Variants in DLC1 observed in about 807,000 individuals in gnomAD.
The protein encoded by DLC1 is rho GTPase-activating protein 7.
In DLC1, 54 loss-of-function variants were observed where a neutral mutation model predicts 140.3. That is an observed-to-expected ratio of 0.38 (90% confidence interval 0.31 to 0.48). The LOEUF is 0.48. Ranked by LOEUF, DLC1 falls within the 20% of genes least tolerant of loss-of-function variation. The probability of loss-of-function intolerance (pLI) is 0.96; values close to 1 mark genes in which losing one functional copy is unlikely to be tolerated. For missense variants in DLC1, 2,536 were observed against 1,907.0 expected (o/e 1.33, Z -6.14); for synonymous variants, 986 against 728.1 (o/e 1.35, Z -5.70).
chr8:13,538,543 T>G (rs60830385), intron 1 of DLC1, among the ~76,000 whole-genome samples: 2,202 of 152,158 alleles, frequency 0.014, 59 homozygotes, highest in African/African-American at 0.05. Flanking sequence ...GGCTTCAGAA[T>G]TTTTGTTGTG....
Position 13,098,447 on chromosome 8 carries a change from G to T in DLC1, c.3119C>A (p.Thr1040Lys). ...LLQKYSLLKL[T>K]ALLEKYTPSN... The stretch of plus-strand genomic sequence containing the variant: ...AGGTGTGTATTTCTCCAGCAGGGCC[G>T]TTAGCTTTAGGAGTGAGTATTTCTG... The change falls in exon 10 of 18, where the codon ACG becomes AAG. Residue 1040 changes from threonine (T) to lysine (K), a missense_variant. By Grantham distance (78) the Thr-to-Lys change is moderately conservative. Coordinates refer to ENST00000276297, the MANE Select transcript of DLC1 (RefSeq NM_182643.3). 6.2e-7 allele frequency: 1 copy of T among 1,614,118 alleles called. No individual in the cohort carries two copies. The highest frequency in any genetic ancestry group is 8.5e-7 in the Non-Finnish European group (1 of 1,180,012).
At chr8:13,399,991 C>T (rs1187562879) in intron 3 of DLC1, among the ~76,000 whole-genome samples, 6 of 151,954 alleles carry the variant, frequency 3.9e-5, no homozygotes, top group African/African-American at 1.2e-4. Flanking sequence ...TGGTCCAGGT[C>T]CTAATCCTGC....
At chr8:13,591,109 G>A (rs1392826833) in intron 1 of DLC1, among the ~76,000 whole-genome samples, 3 of 152,190 alleles carry the variant, frequency 2.0e-5, no homozygotes, top group Middle Eastern at 3.4e-3. Flanking sequence ...CTAAGTCATC[G>A]TGAGGAGGTG....
intron 1 of DLC1, chr8:13,559,185 T>C (rs1563440343): frequency 1.3e-5 from 2 of 152,310 alleles, no homozygotes; most frequent in East Asian, 3.9e-4. Context: ...TCATTAGCTA[T>C]CATAGTGCAT....
At chr8:13,599,798 C>CTTTA (rs1229115489) in intron 1 of DLC1, among the ~76,000 whole-genome samples, 2 of 151,678 alleles carry the variant, frequency 1.3e-5, no homozygotes, top group Non-Finnish European at 2.9e-5. Context: ...TGCAAAGGTC[C>CTTTA]TTTAGTAGCC....
intron 2 of DLC1, among the ~76,000 whole-genome samples, chr8:13,416,762 T>C (rs1244442002): frequency 6.6e-6 from 1 of 152,238 alleles, no homozygotes; most frequent in Non-Finnish European, 1.5e-5. Flanking sequence ...AAATGTAGAT[T>C]CCTGGCTTAC....
intron 1 of DLC1, among the ~76,000 whole-genome samples, chr8:13,547,451 A>C (rs998470335): frequency 2.6e-5 from 4 of 151,986 alleles, no homozygotes; most frequent in Non-Finnish European, 5.9e-5. Flanking sequence ...TTACTCACCC[A>C]ACACAGTCTA....
intron 4 of DLC1, among the ~76,000 whole-genome samples, chr8:13,379,937 C>A (rs1157297541): frequency 6.6e-6 from 1 of 152,096 alleles, no homozygotes; most frequent in Non-Finnish European, 1.5e-5. Context: ...TATGTGGGAG[C>A]TGAACAATGA....
At chr8:13,422,021 C>T (rs1322095711) in intron 2 of DLC1, among the ~76,000 whole-genome samples, 1 of 152,056 alleles carries the variant, frequency 6.6e-6, no homozygotes, top group East Asian at 1.9e-4. Context: ...ACCTATTTCC[C>T]ATCATGAATA....
At chr8:13,370,198 T>C (rs540249634) in intron 4 of DLC1, among the ~76,000 whole-genome samples, 1 of 152,186 alleles carries the variant, frequency 6.6e-6, no homozygotes, top group Admixed American at 6.5e-5. Context: ...GAGCATATCA[T>C]TAGTAAAGGC....
At chr8:13,490,671 C>A (rs1275262613) in intron 2 of DLC1, among the ~76,000 whole-genome samples, 2 of 152,174 alleles carry the variant, frequency 1.3e-5, no homozygotes, top group Non-Finnish European at 2.9e-5. Flanking sequence ...AACAGAAATC[C>A]ATGAGGAACA....
At chr8:13,411,807 TTTATC>T (rs777985913) in intron 2 of DLC1, among the ~76,000 whole-genome samples, 3 of 152,208 alleles carry the variant, frequency 2.0e-5, no homozygotes, top group Non-Finnish European at 4.4e-5. Context: ...TAAATTTTGA[TTTATC>T]TGTCAGATTA....
At chr8:13,207,171 A>G (rs117141736) in intron 5 of DLC1, among the ~76,000 whole-genome samples, 12,537 of 152,272 alleles carry the variant, frequency 0.082, 703 homozygotes, top group South Asian at 0.16. Flanking sequence ...ACAGTTTTCC[A>G]ATCAATTAAA....
At chr8:13,254,594 G>A (rs1255443890) in intron 5 of DLC1, among the ~76,000 whole-genome samples, 1 of 151,872 alleles carries the variant, frequency 6.6e-6, no homozygotes, top group Non-Finnish European at 1.5e-5. Context: ...GAAATAAAAA[G>A]GAACAAAATT....
intron 1 of DLC1, among the ~76,000 whole-genome samples, chr8:13,526,392 C>A (rs891124390): frequency 6.6e-6 from 1 of 152,080 alleles, no homozygotes; most frequent in African/African-American, 2.4e-5. Context: ...GGATCAATTG[C>A]AGGAAAACTG....
chr8:13,204,229 T>G lies in DLC1; in HGVS notation c.1349-88572A>C, dbSNP rs552846375. Among the ~76,000 whole-genome samples the G allele has an allele frequency of 9.2e-5, 14 of 152,274 alleles. No homozygotes were observed. The South Asian group carries it at 2.7e-3, about 29-fold the overall frequency. On this transcript the variant is annotated intron_variant, in intron 5 of 17. Coordinates refer to ENST00000276297, the MANE Select transcript of DLC1 (RefSeq NM_182643.3). ...TGACGGGACCCGCGGTTGGATGACCTCTGTTGGATGTGCTAATACATAGAG... is the reference window on the plus strand; with the variant it reads ...TGACGGGACCCGCGGTTGGATGACCGCTGTTGGATGTGCTAATACATAGAG...
intron 5 of DLC1, among the ~76,000 whole-genome samples, chr8:13,300,255 G>A (rs567606252): frequency 1.1e-4 from 17 of 152,208 alleles, no homozygotes; most frequent in African/African-American, 4.1e-4. Context: ...ACACAGGGAG[G>A]GAACAACAGT....
intron 8 of DLC1, 103 bp from the exon 9 acceptor site, chr8:13,100,873 C>T (rs920654982): frequency 5.2e-5 from 62 of 1,196,380 alleles, no homozygotes; most frequent in Non-Finnish European, 6.8e-5. Flanking sequence ...GTATCAATTT[C>T]CCCCTTGTAC....
intron 4 of DLC1, among the ~76,000 whole-genome samples, chr8:13,345,175 A>G (rs941584565): frequency 2.0e-5 from 3 of 152,178 alleles, no homozygotes; most frequent in African/African-American, 4.8e-5. Context: ...AGAAATTCAT[A>G]TAGAATTGAA....
Sources: allele counts gnomAD v4.1 joint callset (sites outside exome capture counted in the v4.1 genomes callset), GRCh38; gene constraint gnomAD v4.1.1; transcripts MANE v1.5; gene names NCBI Gene and HGNC (gene_info 2026-07-23, HGNC 2026-07-21).